The following SPEN variants were observed in gnomAD, a reference collection of about 807,000 sequenced individuals.
SPEN encodes the protein msx2-interacting protein.
SPEN carries 18 observed loss-of-function variants against 269.9 expected under a neutral mutation model. The ratio of observed to expected loss-of-function variants is 0.07; its 90% CI spans 0.05 to 0.10. SPEN has a LOEUF of 0.10. SPEN is among the 10% of genes least tolerant of loss of function. The pLI, the probability that SPEN is intolerant of heterozygous loss-of-function variation, is 1.00. For missense variants in SPEN, 3,822 were observed against 4,631.2 expected, an observed-to-expected ratio of 0.83 and a Z score of 5.07; for synonymous variants, 1,726 against 1,765.7, an observed-to-expected ratio of 0.98 and a Z score of 0.56.
chr1:15,856,175 A>G (rs1007765095), intron 1 of SPEN, among the ~76,000 whole-genome samples: 9 of 151,560 alleles, frequency 5.9e-5, no homozygotes, highest in Non-Finnish European at 7.4e-5. Context: ...TATTTTTAGT[A>G]GAGACGGGGT....
chr1:15,938,970 GC>G, intron 14 of SPEN, 94 bp downstream of exon 14: 1 of 1,478,708 alleles, frequency 6.8e-7, no homozygotes, highest in Non-Finnish European at 9.1e-7. Flanking sequence ...ACTAGATCTG[GC>G]CCCAGAGGTG....
chr1:15,936,221 C>T lies in SPEN; in HGVS notation c.9981C>T (p.Ala3327=), dbSNP rs570177656. 3.4e-5 allele frequency: 53 copies of T among 1,563,680 alleles called. 1 individual carries two copies. The highest frequency in any genetic ancestry group is 1.8e-4 in the African/African-American group (13 of 74,126). Residue 3327 remains alanine, a synonymous_variant, in exon 11 of 15, where the codon GCC becomes GCT. Transcript: ENST00000375759. ...PAQLTHTQFP[A]ASSVGLPSRT... is the part of the protein sequence containing the mutation. ...AGCTCACACACACTCAGTTTCCCGC[C>T]GCTTCCTCTGTTGGCCTGCCTTCCC...
At position 15,848,223 on chromosome 1, in the gene SPEN, C is replaced by T. The variant is rs2070293862; in HGVS notation, c.83+73C>T. 1 of 1,148,948 alleles carries T rather than the reference C, an allele frequency of 8.7e-7. No individual in the cohort carries two copies. Among genetic ancestry groups the T allele is most frequent in the Non-Finnish European group, 1.2e-6 (1 of 842,822 alleles). The allele number at this position is 1,148,948 out of a possible 1,614,324, so 71.2% of individuals were successfully genotyped here. On this transcript the variant is annotated intron_variant, in intron 1 of 14. Coordinates refer to ENST00000375759, the MANE Select transcript of SPEN (RefSeq NM_015001.3). The surrounding 1 kb of genome is among the most constrained non-coding windows in gnomAD (Gnocchi z 5.1). Reference sequence around the variant, plus strand: ...TCCCGCCCCGGCCCGTTGCCGGCCCCTCCCGGAGCGCGGAGCTGGTGAGGA... The same window carrying T: ...TCCCGCCCCGGCCCGTTGCCGGCCCTTCCCGGAGCGCGGAGCTGGTGAGGA...
Position 15,934,575 on chromosome 1 carries a change from G to A in SPEN, c.8335G>A (p.Ala2779Thr). ...AACAAAGTGCAAACAGAGAGCGAGT[G>A]CTAATGAAAACAGTCGGTTCCACCC... Reference protein sequence around the residue: ...PSTKCKQRASANENSRFHPGS... With the variant: ...PSTKCKQRASTNENSRFHPGS... The change falls in exon 11 of 15, where the codon GCT (alanine) becomes ACT (threonine). Residue 2779 changes from alanine to threonine, a missense_variant. Coordinates refer to ENST00000375759, the MANE Select transcript of SPEN (RefSeq NM_015001.3). This position sits in a 1 kb window ranked among gnomAD's most constrained non-coding sequence, Gnocchi z 9.2. 6.2e-7 allele frequency: 1 copy of A among 1,614,110 alleles called. No homozygotes were observed. The highest frequency in any genetic ancestry group is 8.5e-7 in the Non-Finnish European group (1 of 1,180,036).
At chr1:15,924,002 G>A (rs1407314828) in intron 10 of SPEN, among the ~76,000 whole-genome samples, 1 of 151,986 alleles carries the variant, frequency 6.6e-6, no homozygotes, top group Non-Finnish European at 1.5e-5. Context: ...TGCTCCCTAC[G>A]GCCAAATTCT....
In SPEN at chr1:15,934,407, G is replaced by A. The variant is rs760200172; in HGVS notation, c.8167G>A (p.Gly2723Ser). The change falls in exon 11 of 15, where the codon GGC (glycine) becomes AGC (serine). Residue 2723 changes from glycine to serine, a missense_variant. Physicochemically the swap from Gly to Ser is moderately conservative, Grantham distance 56. Transcript: ENST00000375759. The surrounding 1 kb of genome is among the most constrained non-coding windows in gnomAD (Gnocchi z 9.2). ...ATVGTVNAAP[G>S]TVNAAASAVN... ...GGTGGGCACAGTGAATGCCGCCCCA[G>A]GCACAGTCAATGCCGCTGCGAGTGC... 6.2e-7 allele frequency: 1 copy of A among 1,613,802 alleles called. No individual in the cohort carries two copies. Among genetic ancestry groups the A allele is most frequent in the South Asian group, 1.1e-5 (1 of 91,088 alleles).
intron 3 of SPEN, among the ~76,000 whole-genome samples, chr1:15,894,536 G>GTTTTTTTT (rs766111268): frequency 1.6e-4 from 16 of 100,378 alleles, no homozygotes; most frequent in African/African-American, 5.4e-4. Context: ...TATTATGGTT[G>GTTTTTTTT]TTTTTTTTTT....
At chr1:15,926,454 G>A (rs1313644041) in intron 10 of SPEN, among the ~76,000 whole-genome samples, 3 of 151,328 alleles carry the variant, frequency 2.0e-5, no homozygotes, top group Non-Finnish European at 1.5e-5. Flanking sequence ...TTATAAATAT[G>A]TATATTTATA....
Position 15,922,243 on chromosome 1 carries a change from TTA to T in SPEN, c.1750-5_1750-4del. ...TTGCATCAAACACCTCTTTTTTTTT[TTA>T]AAGGTGGATTTTGCAAATCGGGAAA... On this transcript the variant is annotated splice_region_variant and splice_polypyrimidine_tract_variant and intron_variant, in intron 9 of 14. Transcript: ENST00000375759. 6.3e-7 allele frequency: 1 copy of T among 1,587,190 alleles called. No individual in the cohort carries two copies. Among genetic ancestry groups the T allele is most frequent in the South Asian group, 1.2e-5 (1 of 85,656 alleles).
chr1:15,919,958 T>C (rs575249688), intron 8 of SPEN, among the ~76,000 whole-genome samples: 10 of 152,032 alleles, frequency 6.6e-5, no homozygotes, highest in Admixed American at 1.3e-4. Flanking sequence ...AGGAAAAGGG[T>C]CTCCAGACCC....
intron 3 of SPEN, among the ~76,000 whole-genome samples, chr1:15,894,919 CTTTTTA>C (rs1025355864): frequency 2.6e-5 from 4 of 151,710 alleles, no homozygotes; most frequent in African/African-American, 9.7e-5. Context: ...TAATATTTAC[CTTTTTA>C]TTTTTATTTT....
At chr1:15,896,668 T>G (rs2070845057) in intron 3 of SPEN, among the ~76,000 whole-genome samples, 2 of 152,332 alleles carry the variant, frequency 1.3e-5, no homozygotes, top group South Asian at 4.1e-4. Flanking sequence ...CTTTAAGAAG[T>G]TAATTTCTGA....
chr1:15,895,901 C>CTTGAACTCCTGACCTCAGGTG (rs2070837488), intron 3 of SPEN, among the ~76,000 whole-genome samples: 1 of 151,892 alleles, frequency 6.6e-6, no homozygotes, highest in Non-Finnish European at 1.5e-5. Context: ...CCAGGCTAGT[C>CTTGAACTCCTGACCTCAGGTG]TTGAACTCCT....
rs780025497 is a variant in SPEN, at chr1:15,934,516, C to T, written c.8276C>T (p.Thr2759Met). The T allele has an allele frequency of 5.5e-5, 88 of 1,613,934 alleles. No individual in the cohort carries two copies. Among genetic ancestry groups the T allele is most frequent in the African/African-American group, 1.6e-4 (12 of 74,924 alleles). The change falls in exon 11 of 15, where the codon ACG becomes ATG. Residue 2759 changes from threonine to methionine, a missense_variant. By Grantham distance (81) the Thr-to-Met change is moderately conservative. This residue lies in a region of SPEN where 329 missense variants were observed against 431.2 expected (regional missense o/e 0.76). Transcript: ENST00000375759. This position sits in a 1 kb window ranked among gnomAD's most constrained non-coding sequence, Gnocchi z 9.2. ...GGTGGTGTAACGGCCACAACAGGCA[C>T]GGTGACAATGGCAGGGGCAGTGATT... is the stretch of plus-strand genomic sequence containing the variant. ...ASGGVTATTG[T>M]VTMAGAVIAP...
intron 14 of SPEN, 21 bp downstream of exon 14, chr1:15,938,897 C>T (rs765665676): frequency 6.2e-7 from 1 of 1,609,450 alleles, no homozygotes; most frequent in African/African-American, 1.3e-5. Flanking sequence ...CTGTGTCCTT[C>T]CTTCACATGT....
At chr1:15,862,915 C>T (rs887559902) in intron 1 of SPEN, among the ~76,000 whole-genome samples, 7 of 152,094 alleles carry the variant, frequency 4.6e-5, no homozygotes, top group Non-Finnish European at 1.0e-4. Flanking sequence ...GTGCCCACCA[C>T]CATTCCTGGC....
At chr1:15,874,009 A>G (rs1391804629) in intron 2 of SPEN, 10 of 1,213,044 alleles carry the variant, frequency 8.2e-6, no homozygotes, top group Non-Finnish European at 9.4e-6. Context: ...ATGGCTACAA[A>G]AGTGAACTAT....
Position 15,929,947 on chromosome 1 carries a change from A to G in SPEN, c.3707A>G (p.Asp1236Gly). 1 of 1,614,142 alleles carries G rather than the reference A, an allele frequency of 6.2e-7. No homozygotes were observed. Among genetic ancestry groups the G allele is most frequent in the Non-Finnish European group, 8.5e-7 (1 of 1,180,046 alleles). The stretch of plus-strand genomic sequence containing the variant: ...AAAAGGATGGATCATGTCGATTTTG[A>G]TATCTGCACCAAGCGAGAACGGAAT... ...KKKRMDHVDF[D>G]ICTKRERNYR... Residue 1236 changes from aspartate (D) to glycine (G), a missense_variant, in exon 11 of 15, where the codon GAT becomes GGT. Transcript: ENST00000375759. The surrounding 1 kb of genome is among the most constrained non-coding windows in gnomAD (Gnocchi z 5.8).
Position 15,930,958 on chromosome 1 carries a change from C to G in SPEN, c.4718C>G (p.Thr1573Ser), listed in dbSNP as rs1462210106. The G allele has an allele frequency of 6.2e-7, 1 of 1,614,156 alleles. No homozygotes were observed. The highest frequency in any genetic ancestry group is 8.5e-7 in the Non-Finnish European group (1 of 1,180,040). Residue 1573 changes from threonine to serine, a missense_variant, in exon 11 of 15, where the codon ACT (threonine) becomes AGT (serine). Coordinates refer to ENST00000375759, the MANE Select transcript of SPEN (RefSeq NM_015001.3). This position sits in a 1 kb window ranked among gnomAD's most constrained non-coding sequence, Gnocchi z 5.3. ...ACATCTGAGGGAGCAAACAGCACAA[C>G]TGATTCCATTCAAGAACCAGTAGTT... The part of the protein sequence containing the change: ...KQTSEGANST[T>S]DSIQEPVVLF...
Sources: gnomAD v4.1 joint callset for allele counts (sites outside exome capture counted in the v4.1 genomes callset) on GRCh38, gnomAD v4.1.1 for gene constraint, gnomAD v4.1.1 regional missense constraint, Gnocchi (gnomAD v3.1) non-coding constraint, MANE v1.5 for transcripts, NCBI Gene and HGNC (gene_info 2026-07-23, HGNC 2026-07-21) for gene names.